The following AFF4 variants were observed in gnomAD, a reference collection of about 807,000 sequenced individuals.
AFF4 encodes ALF transcription elongation factor 4.
Under a neutral mutation model 124.8 loss-of-function variants are expected in AFF4, and 13 were observed. The observed-to-expected ratio is 0.10, with a 90% CI of 0.07 to 0.17. The LOEUF (loss-of-function observed/expected upper bound fraction) is 0.17, where lower values mean the gene tolerates loss of function less well. Ranked by LOEUF, AFF4 falls within the 10% of genes least tolerant of loss-of-function variation. The probability of loss-of-function intolerance (pLI) is 1.00; values close to 1 mark genes in which losing one functional copy is unlikely to be tolerated. For missense variants in AFF4, 1,092 were observed against 1,403.8 expected, an observed-to-expected ratio of 0.78 and a Z score of 3.55; for synonymous variants, 477 against 496.1, an observed-to-expected ratio of 0.96 and a Z score of 0.51.
intron 14 of AFF4, 32 bp downstream of exon 14, chr5:132,889,047 A>C (rs1382152646): frequency 6.4e-7 from 1 of 1,570,454 alleles, no homozygotes. Flanking sequence ...ATCATTTCTT[A>C]AATACAGATA....
intron 6 of AFF4, 116 bp from the exon 7 acceptor site, chr5:132,902,603 C>G: frequency 1.2e-6 from 1 of 822,586 alleles, no homozygotes; most frequent in Non-Finnish European, 2.0e-6. Context: ...ATTCTTCAAC[C>G]ACCAAACTGG....
At position 132,937,162 on chromosome 5, in the gene AFF4, G is replaced by A. The variant is rs754301062; in HGVS notation, c.28C>T (p.Arg10Cys). ...TTCCGCCTTTCCCGTTCTTTCATACGCAGCACATTCCGGTCTTCACGGTTC... is the reference window on the plus strand; with the variant it reads ...TTCCGCCTTTCCCGTTCTTTCATACACAGCACATTCCGGTCTTCACGGTTC... MNREDRNVL[R>C]MKERERRNQE... The change falls in exon 2 of 21, where the codon CGT (arginine) becomes TGT (cysteine). Residue 10 changes from arginine to cysteine, a missense_variant. Physicochemically the swap from Arg to Cys is radical, Grantham distance 180 (BLOSUM62 -3). Around this residue, in one of 11 missense-constraint regions of AFF4, gnomAD observed 46 missense variants for 49.0 expected, o/e 0.94. Coordinates refer to ENST00000265343, the MANE Select transcript of AFF4 (RefSeq NM_014423.4). The A allele has an allele frequency of 6.2e-7, 1 of 1,613,704 alleles. No homozygotes were observed. The highest frequency in any genetic ancestry group is 8.5e-7 in the Non-Finnish European group (1 of 1,179,778).
At chr5:132,954,323 G>A (rs1018411721) in intron 1 of AFF4, among the ~76,000 whole-genome samples, 6 of 152,186 alleles carry the variant, frequency 3.9e-5, no homozygotes, top group Non-Finnish European at 7.4e-5. Flanking sequence ...CTATTGACAC[G>A]GCAGAGTTCC....
intron 4 of AFF4, among the ~76,000 whole-genome samples, chr5:132,929,593 T>C (rs946783576): frequency 1.3e-5 from 2 of 152,244 alleles, no homozygotes; most frequent in East Asian, 1.9e-4. Context: ...AAAATCTATA[T>C]ATAACTGAAG....
chr5:132,936,914 C>T (rs1378664888), intron 2 of AFF4, among the ~76,000 whole-genome samples, 153 bp downstream of exon 2: 1 of 152,000 alleles, frequency 6.6e-6, no homozygotes, highest in Non-Finnish European at 1.5e-5. Context: ...AAAGTTTATC[C>T]CCAAAAAATA....
chr5:132,882,893 C>A (rs556110275), intron 20 of AFF4, among the ~76,000 whole-genome samples: 1 of 150,744 alleles, frequency 6.6e-6, no homozygotes, highest in African/African-American at 2.4e-5. Flanking sequence ...ATTCCCTAGT[C>A]TCCTTTATTT....
intron 5 of AFF4, among the ~76,000 whole-genome samples, chr5:132,921,130 A>C: frequency 6.6e-6 from 1 of 151,348 alleles, no homozygotes; most frequent in Non-Finnish European, 1.5e-5. Context: ...CTGTCACAAA[A>C]AAAAAAAAAA....
chr5:132,891,461 T>C (rs1337613784), intron 13 of AFF4, among the ~76,000 whole-genome samples: 2 of 152,204 alleles, frequency 1.3e-5, no homozygotes, highest in African/African-American at 4.8e-5. Context: ...AAATTGAGGT[T>C]GAGTGACTAT....
intron 1 of AFF4, among the ~76,000 whole-genome samples, chr5:132,956,401 C>T (rs149942347): frequency 2.6e-5 from 4 of 152,190 alleles, no homozygotes; most frequent in African/African-American, 7.2e-5. Context: ...AAGGCTAAGG[C>T]AGGTGGATTA....
chr5:132,935,433 C>T lies in AFF4; in HGVS notation c.124-492G>A, dbSNP rs560697938. ...CTGATGTCAGGAGTTCCAGACCAGC[C>T]TGGCCAACATGGTGAAAACCCATTT... On this transcript the variant is annotated intron_variant, in intron 2 of 20. Coordinates refer to ENST00000265343, the MANE Select transcript of AFF4 (RefSeq NM_014423.4). Among the ~76,000 whole-genome samples, 3 of 152,302 alleles carry T rather than the reference C, an allele frequency of 2.0e-5. No homozygotes were observed. The East Asian group carries it at 5.8e-4, about 29-fold the overall frequency.
chr5:132,905,787 T>TA (rs1193268629), intron 5 of AFF4, among the ~76,000 whole-genome samples: 1 of 152,176 alleles, frequency 6.6e-6, no homozygotes, highest in African/African-American at 2.4e-5. Flanking sequence ...AAACTTGACT[T>TA]AATCAAAATT....
chr5:132,924,143 A>T (rs1227414016), intron 5 of AFF4, among the ~76,000 whole-genome samples: 2 of 152,238 alleles, frequency 1.3e-5, no homozygotes, highest in East Asian at 3.9e-4. Flanking sequence ...AATCCCAGCT[A>T]CTTAGGAGGC....
chr5:132,951,139 C>G (rs1761834277), intron 1 of AFF4, among the ~76,000 whole-genome samples: 1 of 152,010 alleles, frequency 6.6e-6, no homozygotes, highest in Admixed American at 6.6e-5. Context: ...GCAGGAGAAT[C>G]GCTTGAACCA....
intron 1 of AFF4, among the ~76,000 whole-genome samples, chr5:132,948,243 G>A (rs1346822426): frequency 6.6e-6 from 1 of 152,014 alleles, no homozygotes; most frequent in African/African-American, 2.4e-5. Context: ...TAGAGACAGG[G>A]TTTCACCATG....
At chr5:132,938,760 G>T (rs373502300) in intron 1 of AFF4, among the ~76,000 whole-genome samples, 1 of 151,300 alleles carries the variant, frequency 6.6e-6, no homozygotes, top group East Asian at 2.0e-4. Context: ...TGGCTAACAC[G>T]GTGAAACCCC....
intron 1 of AFF4, among the ~76,000 whole-genome samples, chr5:132,949,696 ACACACGCGCG>A (rs1761787069): frequency 2.1e-5 from 3 of 144,622 alleles, no homozygotes; most frequent in Admixed American, 1.4e-4. Context: ...ACACACACAC[ACACACGCGCG>A]CGCGCGCGCG....
rs1022794283 is a variant in AFF4 at position 132,876,288 on chromosome 5, T to C, written c.*4771A>G. ...TAAAGTTGTAAAATGGGGACACTTC[T>C]GGAACACCAACAACAAACTCAACAA... On this transcript the variant is annotated 3_prime_UTR_variant, in exon 21 of 21. Coordinates refer to ENST00000265343, the MANE Select transcript of AFF4 (RefSeq NM_014423.4). 4 of 213,712 alleles carry C rather than the reference T, an allele frequency of 1.9e-5. No individual in the cohort carries two copies. Among genetic ancestry groups the C allele is most frequent in the Non-Finnish European group, 2.8e-5 (3 of 105,860 alleles). The allele number at this position is 213,712 out of a possible 1,614,324, so 13.2% of individuals were successfully genotyped here.
At chr5:132,922,056 A>T (rs66483023) in intron 5 of AFF4, among the ~76,000 whole-genome samples, 17,522 of 152,074 alleles carry the variant, frequency 0.12, 1,279 homozygotes, top group South Asian at 0.2. Context: ...AAGTACTAGG[A>T]CTACAGGTGT....
chr5:132,878,031 G>A lies in AFF4; in HGVS notation c.*3028C>T, dbSNP rs184603649. On this transcript the variant is annotated 3_prime_UTR_variant, in exon 21 of 21. Coordinates refer to ENST00000265343, the MANE Select transcript of AFF4 (RefSeq NM_014423.4). ...TGGTGGTCAACCTTCTCCACTCTTC[G>A]GCAGCTGTAGCTGTAAGTTTATCTG... is the stretch of plus-strand genomic sequence containing the variant. 1.3e-5 allele frequency: 3 copies of A among 222,394 alleles called. No individual in the cohort carries two copies. The highest frequency in any genetic ancestry group is 1.3e-4 in the East Asian group (2 of 15,290). 13.8% of individuals were successfully genotyped at this position (222,394 alleles called of 1,614,324 possible). A position where few individuals can be genotyped will look rare whatever the true frequency, so the allele number is the denominator to read the frequency against.
Sources: allele counts gnomAD v4.1 joint callset (sites outside exome capture counted in the v4.1 genomes callset), GRCh38; gene constraint gnomAD v4.1.1; regional missense constraint gnomAD v4.1.1; transcripts MANE v1.5; gene names NCBI Gene and HGNC (gene_info 2026-07-23, HGNC 2026-07-21).